CDKL5: variants seen among roughly 807,000 people sequenced by gnomAD.
CDKL5 encodes the protein cyclin dependent kinase like 5, also known as cyclin-dependent kinase-like 5.
Under a neutral mutation model 61.7 loss-of-function variants are expected in CDKL5, and 8 were observed. The ratio of observed to expected loss-of-function variants is 0.13; its 90% confidence interval spans 0.08 to 0.23. The LOEUF (loss-of-function observed/expected upper bound fraction) is 0.23, where lower values mean the gene tolerates loss of function less well. Ranked by LOEUF, CDKL5 falls within the 10% of genes least tolerant of loss-of-function variation. CDKL5 has a pLI of 1.00. For missense variants in CDKL5, 440 were observed against 734.5 expected, an observed-to-expected ratio of 0.60 and a Z score of 4.63; for synonymous variants, 275 against 272.3, an observed-to-expected ratio of 1.01 and a Z score of -0.10.
In CDKL5 at chrX:18,638,548, T is replaced by C. The variant is rs1201349645; in HGVS notation, c.*9791T>C. The C allele has an allele frequency of 8.9e-6, 1 of 112,581 alleles. No individual in the cohort carries two copies. The highest frequency in any genetic ancestry group is 3.2e-5 in the African/African-American group (1 of 31,031). 9.3% of individuals were successfully genotyped at this position (112,581 alleles called of 1,213,427 possible). A position where few individuals can be genotyped will look rare whatever the true frequency, so the allele number is the denominator to read the frequency against. On this transcript the variant is annotated 3_prime_UTR_variant, in exon 18 of 18. Coordinates refer to ENST00000623535, the MANE Select transcript of CDKL5 (RefSeq NM_001323289.2). ...TTCAGATTTCCCTCAATAAAAGTTT[T>C]AGTTTTTATACATTCTGTCATGAAT...
At chrX:18,569,256 C>T (rs1318770469) in intron 4 of CDKL5, among the ~76,000 whole-genome samples, 1 of 110,953 alleles carries the variant, frequency 9.0e-6, no homozygotes, top group East Asian at 2.8e-4. Flanking sequence ...TTTAAGATAA[C>T]CCTAAATGAT....
chrX:18,498,195 C>T (rs764555006), intron 1 of CDKL5, among the ~76,000 whole-genome samples: 27 of 111,344 alleles, frequency 2.4e-4, no homozygotes, highest in African/African-American at 8.8e-4. Flanking sequence ...ACAATAAACA[C>T]TTCCTTGATC....
chrX:18,572,426 G>T (rs1430912133), intron 4 of CDKL5, among the ~76,000 whole-genome samples: 1 of 112,106 alleles, frequency 8.9e-6, no homozygotes, highest in Non-Finnish European at 1.9e-5. Context: ...ATAGTTTATG[G>T]ACGCTCTTAA....
intron 16 of CDKL5, among the ~76,000 whole-genome samples, chrX:18,623,640 G>C (rs1034009365): frequency 8.1e-5 from 9 of 110,972 alleles, no homozygotes; most frequent in African/African-American, 2.6e-4. Flanking sequence ...TCCTACTAGA[G>C]GTATTGATCA....
intron 9 of CDKL5, among the ~76,000 whole-genome samples, chrX:18,594,080 T>C (rs1267845655): frequency 8.9e-6 from 1 of 112,634 alleles, no homozygotes; most frequent in African/African-American, 3.2e-5. Flanking sequence ...GGTGTGGAGA[T>C]GATGTCATAA....
rs1316927044 is a variant in CDKL5, at chrX:18,637,563, A to C, written c.*8806A>C. On this transcript the variant is annotated 3_prime_UTR_variant, in exon 18 of 18. Coordinates refer to ENST00000623535, the MANE Select transcript of CDKL5 (RefSeq NM_001323289.2). ...GACGACAGAGCGAGACGCCATCTCA[A>C]AAATAAATAAATAAATAAATCCCTA... 2.7e-5 allele frequency: 3 copies of C among 110,082 alleles called. No individual in the cohort carries two copies. Among genetic ancestry groups the C allele is most frequent in the African/African-American group, 9.9e-5 (3 of 30,157 alleles). The allele number at this position is 110,082 out of a possible 1,213,427, so 9.1% of individuals were successfully genotyped here. A position where few individuals can be genotyped will look rare whatever the true frequency, so the allele number is the denominator to read the frequency against.
At chrX:18,489,151 C>G (rs984263563) in intron 1 of CDKL5, among the ~76,000 whole-genome samples, 13 of 110,137 alleles carry the variant, frequency 1.2e-4, no homozygotes, top group African/African-American at 3.6e-4. Context: ...AAAGTCTCCG[C>G]TCTGTCACCC....
chrX:18,544,204 T>G (rs2147117861), intron 3 of CDKL5, among the ~76,000 whole-genome samples: 1 of 112,223 alleles, frequency 8.9e-6, no homozygotes, highest in African/African-American at 3.2e-5. Flanking sequence ...AGTTCAGCTC[T>G]ACTGCCTTTG....
intron 15 of CDKL5, among the ~76,000 whole-genome samples, chrX:18,616,953 C>T (rs1031428501): frequency 1.8e-5 from 2 of 111,202 alleles, no homozygotes; most frequent in African/African-American, 6.6e-5. Context: ...GATGCTCCCC[C>T]GCCCCATTCC....
At position 18,590,593 on chromosome X, in the gene CDKL5, G is replaced by A. The variant is rs896255630; in HGVS notation, c.744+2450G>A. ...GTATCTTTTTTATCTCCTGCTTTTT[G>A]TCTGTCTTTCACATCTGTCTGAGTT... On this transcript the variant is annotated intron_variant, in intron 9 of 17. Coordinates refer to ENST00000623535, the MANE Select transcript of CDKL5 (RefSeq NM_001323289.2). 6.3e-5 allele frequency among the ~76,000 whole-genome samples: 7 copies of A among 111,592 alleles called. 1 individual carries two copies. Among genetic ancestry groups the A allele is most frequent in the Non-Finnish European group, 9.4e-5 (5 of 53,128 alleles).
chrX:18,454,037 C>T (rs1036542834), intron 1 of CDKL5, among the ~76,000 whole-genome samples: 3 of 111,164 alleles, frequency 2.7e-5, no homozygotes, highest in African/African-American at 9.8e-5. Flanking sequence ...GGTTAGTATC[C>T]TTGGGGCTGT....
At chrX:18,619,133 G>T (rs1300929689) in intron 15 of CDKL5, among the ~76,000 whole-genome samples, 3 of 104,194 alleles carry the variant, frequency 2.9e-5, no homozygotes, top group African/African-American at 1.1e-4. Context: ...TCAGTTAGAA[G>T]CTTTTCCCCC....
chrX:18,477,623 G>T (rs1053693813), intron 1 of CDKL5, among the ~76,000 whole-genome samples: 3 of 109,693 alleles, frequency 2.7e-5, no homozygotes, highest in Admixed American at 9.8e-5. Flanking sequence ...TATTTTCTTA[G>T]TGTTGCTCTA....
intron 1 of CDKL5, among the ~76,000 whole-genome samples, chrX:18,441,788 A>G (rs1343050090): frequency 9.0e-6 from 1 of 111,144 alleles, no homozygotes; most frequent in East Asian, 2.8e-4. Flanking sequence ...GTCTCTTTAC[A>G]TACTCTTGAT....
intron 3 of CDKL5, among the ~76,000 whole-genome samples, chrX:18,513,769 A>G (rs1482814344): frequency 6.3e-5 from 7 of 111,877 alleles, no homozygotes; most frequent in Non-Finnish European, 1.3e-4. Context: ...CAGACCTTCA[A>G]ATCTATACCC....
At chrX:18,567,912 T>TA (rs1199714793) in intron 4 of CDKL5, among the ~76,000 whole-genome samples, 4 of 111,513 alleles carry the variant, frequency 3.6e-5, no homozygotes, top group Non-Finnish European at 5.7e-5. Flanking sequence ...ACACCCAACT[T>TA]ACCACACATC....
chrX:18,478,805 G>A (rs1478029042), intron 1 of CDKL5, among the ~76,000 whole-genome samples: 2 of 108,040 alleles, frequency 1.9e-5, no homozygotes, highest in Non-Finnish European at 3.8e-5. Context: ...CTCCCTCTCG[G>A]GTTCAAGTGA....
rs1044018206 is a variant in CDKL5, at chrX:18,595,841, A to C, written c.825+413A>C. Among the ~76,000 whole-genome samples, 3 of 111,624 alleles carry C rather than the reference A, an allele frequency of 2.7e-5. No homozygotes were observed. In the East Asian group the frequency reaches 8.4e-4, roughly 31 times the overall value. ...GTGAATCTAATTTTTCTCTTTTTCTAACTTGGTCTCTTCTCTCCCAGACTC... is the reference window on the plus strand; with the variant it reads ...GTGAATCTAATTTTTCTCTTTTTCTCACTTGGTCTCTTCTCTCCCAGACTC... On this transcript the variant is annotated intron_variant, in intron 10 of 17. Transcript: ENST00000623535.
intron 16 of CDKL5, among the ~76,000 whole-genome samples, chrX:18,620,702 C>G (rs2077863311): frequency 1.8e-5 from 2 of 111,458 alleles, no homozygotes; most frequent in Non-Finnish European, 3.8e-5. Flanking sequence ...TCCCCCTTTT[C>G]TTTATGACAA....
Sources: gnomAD v4.1 joint callset for allele counts (sites outside exome capture counted in the v4.1 genomes callset) on GRCh38, gnomAD v4.1.1 for gene constraint, MANE v1.5 for transcripts, NCBI Gene and HGNC (gene_info 2026-07-23, HGNC 2026-07-21) for gene names.